MACF1: variants seen among roughly 807,000 people sequenced by gnomAD.
MACF1 encodes microtubule actin crosslinking factor 1, also known as microtubule-actin cross-linking factor 1.
In MACF1, 193 loss-of-function variants were observed where a neutral mutation model predicts 854.8. The observed-to-expected ratio is 0.23, with a 90% CI of 0.20 to 0.25. The LOEUF (loss-of-function observed/expected upper bound fraction) is 0.25. Among genes scored for constraint, MACF1 ranks in the 10% least tolerant of loss-of-function variants. The pLI, the probability that MACF1 is intolerant of heterozygous loss-of-function variation, is 1.00. For missense variants in MACF1, 7,722 were observed against 8,929.1 expected, an observed-to-expected ratio of 0.86 and a Z score of 5.45; for synonymous variants, 3,185 against 3,226.7, an observed-to-expected ratio of 0.99 and a Z score of 0.44.
intron 2 of MACF1, among the ~76,000 whole-genome samples, chr1:39,192,397 ATT>A (rs1557509483): frequency 6.6e-6 from 1 of 152,004 alleles, no homozygotes; most frequent in Admixed American, 6.6e-5. Context: ...TCTGTCTGCT[ATT>A]TTCTCTATAA....
intron 5 of MACF1, chr1:39,257,649 T>C: frequency 3.1e-6 from 1 of 318,986 alleles, no homozygotes. Flanking sequence ...TATCCAACAC[T>C]CTGGAAAAAG....
chr1:39,443,047 C>A, intron 78 of MACF1, 136 bp downstream of exon 78: 1 of 828,512 alleles, frequency 1.2e-6, no homozygotes, highest in Non-Finnish European at 1.9e-6. Flanking sequence ...TGTGCTGTAA[C>A]TTATCTAGAA....
At chr1:39,137,612 T>C (rs61782104) in intron 2 of MACF1, among the ~76,000 whole-genome samples, 3,451 of 152,340 alleles carry the variant, frequency 0.023, 65 homozygotes, top group Non-Finnish European at 0.037. Context: ...GCCATCCTTC[T>C]GCCCTGGCCT....
At chr1:39,188,454 G>A (rs554715225) in intron 2 of MACF1, among the ~76,000 whole-genome samples, 1 of 152,148 alleles carries the variant, frequency 6.6e-6, no homozygotes, top group Non-Finnish European at 1.5e-5. Flanking sequence ...CTGATTGGTG[G>A]GACTCGTTAA....
At chr1:39,404,183 A>AAATG (rs2148598068) in intron 58 of MACF1, among the ~76,000 whole-genome samples, 1 of 147,972 alleles carries the variant, frequency 6.8e-6, no homozygotes, top group East Asian at 2.0e-4. Context: ...ATAAATAAAT[A>AAATG]AAATGAAATA....
intron 44 of MACF1, among the ~76,000 whole-genome samples, chr1:39,354,195 C>G (rs1376446373): frequency 6.6e-6 from 1 of 152,128 alleles, no homozygotes; most frequent in Non-Finnish European, 1.5e-5. Context: ...TGTGCTCTCA[C>G]TTTCCTCTGG....
intron 5 of MACF1, among the ~76,000 whole-genome samples, chr1:39,256,419 G>A (rs543798967): frequency 3.3e-5 from 5 of 152,276 alleles, no homozygotes; most frequent in Admixed American, 3.3e-4. Context: ...ATACAGAAAA[G>A]GGAAAGAACT....
In MACF1 at chr1:39,212,775, G is replaced by A. The variant is rs549533167; in HGVS notation, c.109+7644G>A. ...GTATCTGGAATTACAGGCATGTGCC[G>A]CCATGCCCGGCTAATTTTTGTATTT... On this transcript the variant is annotated intron_variant, in intron 1 of 100. Coordinates refer to ENST00000564288, the MANE Select transcript of MACF1 (RefSeq NM_001394062.1). Among the ~76,000 whole-genome samples the A allele has an allele frequency of 2.6e-5, 4 of 151,912 alleles. No individual in the cohort carries two copies. In the South Asian group the frequency reaches 6.2e-4, roughly 24 times the overall value.
intron 2 of MACF1, among the ~76,000 whole-genome samples, chr1:39,090,618 GAGAA>G (rs751478056): frequency 9.9e-5 from 15 of 152,244 alleles, no homozygotes; most frequent in Non-Finnish European, 1.6e-4. Flanking sequence ...AGGTGACATA[GAGAA>G]AGGTATGGAA....
intron 2 of MACF1, among the ~76,000 whole-genome samples, chr1:39,146,380 T>G (rs1571098676): frequency 6.6e-6 from 1 of 151,484 alleles, no homozygotes. Flanking sequence ...AAGGTGAAGG[T>G]TGCAGTGAGC....
At chr1:39,419,261 A>T (rs933541957) in intron 58 of MACF1, among the ~76,000 whole-genome samples, 1 of 152,232 alleles carries the variant, frequency 6.6e-6, no homozygotes, top group African/African-American at 2.4e-5. Context: ...GTCCCTGTCA[A>T]TCCATAGAGT....
At chr1:39,362,454 A>G (rs907838210) in intron 49 of MACF1, among the ~76,000 whole-genome samples, 2 of 152,370 alleles carry the variant, frequency 1.3e-5, no homozygotes, top group South Asian at 4.1e-4. Context: ...CTCTTCACCT[A>G]GATTCACCAG....
intron 54 of MACF1, 104 bp downstream of exon 54, chr1:39,379,548 A>G (rs1041035369): frequency 1.6e-5 from 21 of 1,309,440 alleles, no homozygotes; most frequent in Non-Finnish European, 2.1e-5. Context: ...ATGGGCAACA[A>G]TCTAGGCTGT....
intron 2 of MACF1, among the ~76,000 whole-genome samples, chr1:39,130,864 G>A (rs1642982220): frequency 6.7e-6 from 1 of 150,028 alleles, no homozygotes; most frequent in African/African-American, 2.5e-5. Flanking sequence ...TTTTCGAGAT[G>A]GAGTTTGCTC....
intron 2 of MACF1, among the ~76,000 whole-genome samples, chr1:39,108,201 C>T (rs1362498441): frequency 6.6e-6 from 1 of 152,154 alleles, no homozygotes; most frequent in African/African-American, 2.4e-5. Flanking sequence ...TAGATAATAA[C>T]ACTGGATTCT....
intron 36 of MACF1, among the ~76,000 whole-genome samples, chr1:39,329,720 T>C (rs1232017232): frequency 2.0e-5 from 3 of 152,194 alleles, no homozygotes; most frequent in Non-Finnish European, 4.4e-5. Context: ...GTGTTGTAAG[T>C]GGTTAAACAC....
intron 80 of MACF1, among the ~76,000 whole-genome samples, chr1:39,446,132 G>A (rs1184976481): frequency 1.3e-5 from 2 of 152,154 alleles, no homozygotes; most frequent in African/African-American, 4.8e-5. Flanking sequence ...TATCAGAAAT[G>A]GTCAGGCAAA....
At chr1:39,456,682 CCT>C (rs1484364840) in intron 89 of MACF1, 1 of 152,198 alleles carries the variant, frequency 6.6e-6, no homozygotes, top group Non-Finnish European at 1.5e-5. Context: ...TCAGTCTCTC[CCT>C]GTTTATTCTT....
chr1:39,128,592 G>A (rs1029770072), intron 2 of MACF1, among the ~76,000 whole-genome samples: 1 of 152,032 alleles, frequency 6.6e-6, no homozygotes, highest in Non-Finnish European at 1.5e-5. Flanking sequence ...CTAGCTACTC[G>A]GGAGGCTAAG....
Sources: gnomAD v4.1 joint callset for allele counts (sites outside exome capture counted in the v4.1 genomes callset) on GRCh38, gnomAD v4.1.1 for gene constraint, MANE v1.5 for transcripts, NCBI Gene and HGNC (gene_info 2026-07-23, HGNC 2026-07-21) for gene names.